Variants in MLLT1 observed in about 807,000 individuals in gnomAD.
The protein encoded by MLLT1 is protein ENL.
MLLT1 carries 11 observed loss-of-function variants against 55.1 expected under a neutral mutation model. The ratio of observed to expected loss-of-function variants is 0.20; its 90% CI spans 0.13 to 0.33. The LOEUF (loss-of-function observed/expected upper bound fraction) is 0.33. Among genes scored for constraint, MLLT1 ranks in the 10% least tolerant of loss-of-function variants. The pLI is 1.00. For missense variants in MLLT1, 536 were observed against 760.6 expected (o/e 0.70, Z 3.47); for synonymous variants, 323 against 320.1 (o/e 1.01, Z -0.10).
intron 2 of MLLT1, among the ~76,000 whole-genome samples, chr19:6,264,346 C>T (rs1433187321): frequency 6.6e-6 from 1 of 151,426 alleles, no homozygotes; most frequent in African/African-American, 2.4e-5. Flanking sequence ...AAACTTGCAG[C>T]GTGGAAACCA....
At chr19:6,265,236 A>C (rs991659291) in intron 2 of MLLT1, among the ~76,000 whole-genome samples, 2 of 152,136 alleles carry the variant, frequency 1.3e-5, no homozygotes, top group Non-Finnish European at 2.9e-5. Flanking sequence ...TATACTCCCA[A>C]AATGTTTGGG....
chr19:6,258,807 G>A (rs539521327), intron 3 of MLLT1, among the ~76,000 whole-genome samples: 3 of 152,252 alleles, frequency 2.0e-5, no homozygotes, highest in Non-Finnish European at 2.9e-5. Flanking sequence ...CTTTTTCATC[G>A]CAGGACCCTC....
Position 6,213,050 on chromosome 19 carries a change from C to T in MLLT1, c.1672G>A (p.Ala558Thr). The stretch of plus-strand genomic sequence containing the variant: ...CGGCACGCGGCCCAGGGTCATGTGG[C>T]CACGGCCTCCAGGCAGCTCTGCAGT... ...RKLQSCLEAV[A>T]T The change falls in exon 12 of 12, where the codon GCC becomes ACC. Residue 558 changes from alanine to threonine, a missense_variant. Ala to Thr is a moderately conservative substitution (Grantham distance 58, BLOSUM62 0). Transcript: ENST00000252674. 6.2e-7 allele frequency: 1 copy of T among 1,613,504 alleles called. No homozygotes were observed. The highest frequency in any genetic ancestry group is 8.5e-7 in the Non-Finnish European group (1 of 1,179,660).
Position 6,212,422 on chromosome 19 carries a change from C to T in MLLT1, c.*620G>A. 5.6e-6 allele frequency: 6 copies of T among 1,066,448 alleles called. No homozygotes were observed. Among genetic ancestry groups the T allele is most frequent in the Non-Finnish European group, 6.8e-6 (6 of 880,006 alleles). The allele number at this position is 1,066,448 out of a possible 1,614,324, so 66.1% of individuals were successfully genotyped here. A position where few individuals can be genotyped will look rare whatever the true frequency, so the allele number is the denominator to read the frequency against. ...CCCACCGTACGCACCCCCCACCCAC[C>T]CCACGTGCACTGCTGCCACAGAAAC... On this transcript the variant is annotated 3_prime_UTR_variant, in exon 12 of 12. Transcript: ENST00000252674.
intron 3 of MLLT1, among the ~76,000 whole-genome samples, chr19:6,234,736 C>T (rs1324650261): frequency 6.6e-6 from 1 of 152,130 alleles, no homozygotes; most frequent in Non-Finnish European, 1.5e-5. Context: ...CAGATGGTAC[C>T]AAGCTCTGTG....
At chr19:6,217,669 T>C (rs574555073) in intron 7 of MLLT1, among the ~76,000 whole-genome samples, 2 of 152,304 alleles carry the variant, frequency 1.3e-5, no homozygotes, top group South Asian at 4.1e-4. Context: ...GTTCTGGCCA[T>C]GGGCAGGGCC....
Position 6,256,143 on chromosome 19 carries a change from G to C in MLLT1, c.276+6085C>G, listed in dbSNP as rs1055085504. The stretch of plus-strand genomic sequence containing the variant: ...GAGGCAGGAGAATCGCTTGAACCTG[G>C]GAGGCAGAGGTTGCGATGAGCCAGG... On this transcript the variant is annotated intron_variant, in intron 3 of 11. Coordinates refer to ENST00000252674, the MANE Select transcript of MLLT1 (RefSeq NM_005934.4). This position sits in a 1 kb window ranked among gnomAD's most constrained non-coding sequence, Gnocchi z 4.1. 1.3e-4 allele frequency among the ~76,000 whole-genome samples: 19 copies of C among 151,924 alleles called. No homozygotes were observed. Among genetic ancestry groups the C allele is most frequent in the Non-Finnish European group, 2.8e-4 (19 of 68,018 alleles).
At chr19:6,220,397 C>A (rs2144855742) in intron 6 of MLLT1, among the ~76,000 whole-genome samples, 1 of 152,364 alleles carries the variant, frequency 6.6e-6, no homozygotes, top group South Asian at 2.1e-4. Context: ...TGCTCAAAAG[C>A]CTCTCAGCAC....
intron 3 of MLLT1, among the ~76,000 whole-genome samples, chr19:6,237,587 C>A (rs2091074466): frequency 6.8e-6 from 1 of 147,642 alleles, no homozygotes. Context: ...GAAACCCCAT[C>A]TCTACTAAAA....
chr19:6,224,958 T>C lies in MLLT1; in HGVS notation c.546+2019A>G, dbSNP rs542165293. The stretch of plus-strand genomic sequence containing the variant: ...GTTAGCCAGGATGGTCTCCATCTCC[T>C]GACCTCGTGATCCGAATTAGGCACT... On this transcript the variant is annotated intron_variant, in intron 5 of 11. Coordinates refer to ENST00000252674, the MANE Select transcript of MLLT1 (RefSeq NM_005934.4). Among the ~76,000 whole-genome samples the C allele has an allele frequency of 1.8e-3, 280 of 152,358 alleles. 1 individual carries two copies. Among genetic ancestry groups the C allele is most frequent in the African/African-American group, 6.6e-3 (274 of 41,578 alleles).
At position 6,230,472 on chromosome 19, in the gene MLLT1, G is replaced by C. The variant is rs1051046612; in HGVS notation, c.420+98C>G. ...CCGTGTGACCTGCGCCTTGGGTCTCGGCCCCCAGCACCGACACCTCTGGCT... is the reference window on the plus strand; with the variant it reads ...CCGTGTGACCTGCGCCTTGGGTCTCCGCCCCCAGCACCGACACCTCTGGCT... On this transcript the variant is annotated intron_variant, in intron 4 of 11. Transcript: ENST00000252674. The surrounding 1 kb of genome is among the most constrained non-coding windows in gnomAD (Gnocchi z 9.0). 1 of 1,466,154 alleles carries C rather than the reference G, an allele frequency of 6.8e-7. No individual in the cohort carries two copies. The highest frequency in any genetic ancestry group is 1.4e-5 in the African/African-American group (1 of 71,086). 90.8% of individuals were successfully genotyped at this position (1,466,154 alleles called of 1,614,324 possible). A position where few individuals can be genotyped will look rare whatever the true frequency, so the allele number is the denominator to read the frequency against.
chr19:6,213,871 T>A, intron 9 of MLLT1, 68 bp downstream of exon 9: 1 of 1,564,676 alleles, frequency 6.4e-7, no homozygotes, highest in South Asian at 1.1e-5. Context: ...CAAACCCTCC[T>A]AGGACAGCCC....
rs528502708 is a variant in MLLT1 at position 6,217,008 on chromosome 19, G to A, written c.1199-495C>T. 7 of 158,830 alleles carry A rather than the reference G, an allele frequency of 4.4e-5. No homozygotes were observed. In the East Asian group the frequency reaches 1.1e-3, roughly 26 times the overall value. 9.8% of individuals were successfully genotyped at this position (158,830 alleles called of 1,614,324 possible). A position where few individuals can be genotyped will look rare whatever the true frequency, so the allele number is the denominator to read the frequency against. ...AGTCCACCGTCCTCCCCTTTCTCCA[G>A]AGGCACACGGTTCCAGTCCCCTACA... On this transcript the variant is annotated intron_variant, in intron 7 of 11. Coordinates refer to ENST00000252674, the MANE Select transcript of MLLT1 (RefSeq NM_005934.4).
rs1392192060 is a variant in MLLT1, at chr19:6,279,903, C to A, written c.-119G>T. The A allele has an allele frequency of 6.0e-6, 1 of 167,206 alleles. No homozygotes were observed. Among genetic ancestry groups the A allele is most frequent in the Admixed American group, 6.6e-5 (1 of 15,144 alleles). 10.4% of individuals were successfully genotyped at this position (167,206 alleles called of 1,614,324 possible). A position where few individuals can be genotyped will look rare whatever the true frequency, so the allele number is the denominator to read the frequency against. On this transcript the variant is annotated 5_prime_UTR_variant, in exon 1 of 12. Transcript: ENST00000252674. The stretch of plus-strand genomic sequence containing the variant: ...TGTCAAGCGCCGCCGCCGCCGCCGC[C>A]GCCGCCGATCCCGGCCGCCCGCTCG...
rs2091052104 is a variant in MLLT1, at chr19:6,235,525, G to A, written c.277-4812C>T. 6.6e-6 allele frequency among the ~76,000 whole-genome samples: 1 copy of A among 152,186 alleles called. No individual in the cohort carries two copies. The highest frequency in any genetic ancestry group is 2.4e-5 in the African/African-American group (1 of 41,444). On this transcript the variant is annotated intron_variant, in intron 3 of 11. Coordinates refer to ENST00000252674, the MANE Select transcript of MLLT1 (RefSeq NM_005934.4). The surrounding 1 kb of genome is among the most constrained non-coding windows in gnomAD (Gnocchi z 5.5). ...GTACCAAAGCACTGGGATGCCCCAG[G>A]GACGCTCCCTAGCTCTGCCCACTGC... is the stretch of plus-strand genomic sequence containing the variant.
intron 3 of MLLT1, among the ~76,000 whole-genome samples, chr19:6,260,677 G>C (rs973884450): frequency 6.6e-6 from 1 of 152,244 alleles, no homozygotes; most frequent in Non-Finnish European, 1.5e-5. Context: ...CAGGTGTCTG[G>C]GAACACAGAA....
chr19:6,244,853 C>T (rs1431649554), intron 3 of MLLT1, among the ~76,000 whole-genome samples: 1 of 152,084 alleles, frequency 6.6e-6, no homozygotes, highest in African/African-American at 2.4e-5. Context: ...TTACCGTCGG[C>T]CGTCAGGGAG....
chr19:6,211,594 A>T lies in MLLT1; in HGVS notation c.*1448T>A, dbSNP rs1221928319. The T allele has an allele frequency of 3.8e-6, 4 of 1,065,046 alleles. No homozygotes were observed. In the African/African-American group the frequency reaches 6.6e-5, roughly 17 times the overall value. The allele number at this position is 1,065,046 out of a possible 1,614,324, so 66.0% of individuals were successfully genotyped here. A position where few individuals can be genotyped will look rare whatever the true frequency, so the allele number is the denominator to read the frequency against. ...GGTGGGTTCGAGGGGGTGCGAGCCCACCTCCAGGCCCTCAGCCCTCTTTTC... is the reference window on the plus strand; with the variant it reads ...GGTGGGTTCGAGGGGGTGCGAGCCCTCCTCCAGGCCCTCAGCCCTCTTTTC... On this transcript the variant is annotated 3_prime_UTR_variant, in exon 12 of 12. Coordinates refer to ENST00000252674, the MANE Select transcript of MLLT1 (RefSeq NM_005934.4). The surrounding 1 kb of genome is among the most constrained non-coding windows in gnomAD (Gnocchi z 4.6).
At chr19:6,277,430 T>C (rs888942650) in intron 1 of MLLT1, among the ~76,000 whole-genome samples, 6 of 152,146 alleles carry the variant, frequency 3.9e-5, no homozygotes, top group Admixed American at 1.3e-4. Context: ...AGCTCAGTAA[T>C]GGTGGTTACT....
Sources: gnomAD v4.1 joint callset for allele counts (sites outside exome capture counted in the v4.1 genomes callset) on GRCh38, gnomAD v4.1.1 for gene constraint, Gnocchi (gnomAD v3.1) non-coding constraint, MANE v1.5 for transcripts, NCBI Gene and HGNC (gene_info 2026-07-23, HGNC 2026-07-21) for gene names.